The following AHI1 variants were observed in gnomAD, a reference collection of about 807,000 sequenced individuals.
AHI1 encodes the protein Abelson helper integration site 1.
A neutral mutation model predicts 149.3 loss-of-function variants in AHI1; 123 were observed. The ratio of observed to expected loss-of-function variants is 0.82; its 90% CI spans 0.71 to 0.96. The LOEUF (loss-of-function observed/expected upper bound fraction) is 0.96, where lower values mean the gene tolerates loss of function less well. AHI1 is among the 40% of genes least tolerant of loss of function. The probability of loss-of-function intolerance (pLI) is 0.00; values close to 1 mark genes in which losing one functional copy is unlikely to be tolerated. For missense variants in AHI1, 1,439 were observed against 1,422.7 expected (o/e 1.01, Z -0.18); for synonymous variants, 475 against 459.8 (o/e 1.03, Z -0.42).
intron 23 of AHI1, among the ~76,000 whole-genome samples, chr6:135,374,829 A>G (rs79983592): frequency 0.04 from 6,141 of 152,296 alleles, 431 homozygotes; most frequent in African/African-American, 0.14. Flanking sequence ...CAACTTTACC[A>G]TACTTTGAAA....
At chr6:135,308,066 T>C (rs1013201607) in intron 26 of AHI1, among the ~76,000 whole-genome samples, 6 of 152,172 alleles carry the variant, frequency 3.9e-5, no homozygotes, top group Non-Finnish European at 7.4e-5. Context: ...AAAAAGGTCA[T>C]GCTGCTTGTC....
At chr6:135,295,880 T>TCTCA (rs1422236122) in intron 27 of AHI1, among the ~76,000 whole-genome samples, 1 of 152,146 alleles carries the variant, frequency 6.6e-6, no homozygotes, top group Non-Finnish European at 1.5e-5. Flanking sequence ...TGAGATGGAG[T>TCTCA]CTCACTCTGT....
At chr6:135,451,435 A>C (rs902086962) in intron 11 of AHI1, among the ~76,000 whole-genome samples, 4 of 152,188 alleles carry the variant, frequency 2.6e-5, no homozygotes, top group Admixed American at 6.5e-5. Context: ...ATGGAGTTTC[A>C]AGAGAGTGAC....
At chr6:135,383,989 C>G (rs1014198319) in intron 23 of AHI1, among the ~76,000 whole-genome samples, 1 of 152,190 alleles carries the variant, frequency 6.6e-6, no homozygotes, top group African/African-American at 2.4e-5. Context: ...AGAGGCAAAG[C>G]AGTGAGTTGC....
intron 24 of AHI1, among the ~76,000 whole-genome samples, chr6:135,328,678 A>G (rs2179779): frequency 0.55 from 83,033 of 151,704 alleles, 22,838 homozygotes; most frequent in Middle Eastern, 0.65. Flanking sequence ...ATGGCCCCTA[A>G]GTGTTCAAAT....
intron 26 of AHI1, chr6:135,301,140 C>G (rs993567113): frequency 1.0e-6 from 1 of 984,942 alleles, no homozygotes; most frequent in Middle Eastern, 5.2e-4. Context: ...ACATTAACTT[C>G]ATATTAAAGT....
intron 9 of AHI1, among the ~76,000 whole-genome samples, chr6:135,457,104 C>T (rs1343898553): frequency 2.0e-5 from 3 of 151,804 alleles, no homozygotes; most frequent in African/African-American, 7.3e-5. Flanking sequence ...ATCATCCTGG[C>T]CAAACCCCGC....
chr6:135,419,787 T>G (rs902514595), intron 20 of AHI1, among the ~76,000 whole-genome samples: 1 of 152,032 alleles, frequency 6.6e-6, no homozygotes, highest in African/African-American at 2.4e-5. Context: ...TTTGCTGCAC[T>G]GATTGGCTCT....
chr6:135,323,430 CT>C, intron 24 of AHI1, 106 bp from the exon 25 acceptor site: 4 of 1,260,702 alleles, frequency 3.2e-6, no homozygotes, highest in Non-Finnish European at 4.4e-6. Flanking sequence ...CAAAGCAGTA[CT>C]TTGGTAAGTG....
intron 26 of AHI1, among the ~76,000 whole-genome samples, chr6:135,317,283 T>C (rs1298756618): frequency 6.6e-6 from 1 of 151,728 alleles, no homozygotes; most frequent in Non-Finnish European, 1.5e-5. Context: ...AGTATAAAAT[T>C]TAAGTGTTTT....
chr6:135,399,959 C>T (rs879584898), intron 22 of AHI1, among the ~76,000 whole-genome samples: 3 of 151,952 alleles, frequency 2.0e-5, no homozygotes, highest in East Asian at 1.9e-4. Context: ...CAGGTAAACT[C>T]GTGTCACAGG....
rs1783232825 is a variant in AHI1 at position 135,297,338 on chromosome 6, CCT to C, written c.3485+3160_3485+3161del. The stretch of plus-strand genomic sequence containing the variant: ...CAGTCAGTCTCCTCCCACTCTCTCC[CCT>C]CTCTTCATAGCCGTATGCTCCTTTA... On this transcript the variant is annotated intron_variant, in intron 27 of 28. Coordinates refer to ENST00000265602, the MANE Select transcript of AHI1 (RefSeq NM_001134831.2). 7.0e-6 allele frequency: 3 copies of C among 426,394 alleles called. No homozygotes were observed. In the Admixed American group the frequency reaches 7.9e-5, roughly 11 times the overall value. 26.4% of individuals were successfully genotyped at this position (426,394 alleles called of 1,614,324 possible).
intron 23 of AHI1, among the ~76,000 whole-genome samples, chr6:135,392,365 G>T (rs1477585050): frequency 6.6e-6 from 1 of 152,104 alleles, no homozygotes; most frequent in African/African-American, 2.4e-5. Context: ...CCTTGAAAAA[G>T]ATCAATAAAA....
intron 26 of AHI1, among the ~76,000 whole-genome samples, chr6:135,308,720 G>GA (rs1188560921): frequency 2.0e-5 from 3 of 152,232 alleles, no homozygotes; most frequent in African/African-American, 7.2e-5. Flanking sequence ...TTGCTAAACA[G>GA]AAAAGCAATT....
chr6:135,411,274 A>C (rs886897481), intron 21 of AHI1, 74 bp downstream of exon 21: 79 of 1,351,338 alleles, frequency 5.8e-5, no homozygotes, highest in Middle Eastern at 3.6e-4. Flanking sequence ...TCATTAAATG[A>C]ATATTTATTG....
intron 23 of AHI1, among the ~76,000 whole-genome samples, chr6:135,368,508 G>C (rs997019454): frequency 7.2e-5 from 11 of 152,266 alleles, no homozygotes; most frequent in African/African-American, 2.6e-4. Context: ...CCATGGTGGT[G>C]GTGGGGGGCA....
In AHI1 at chr6:135,321,561, A is replaced by G. The variant is rs118164765; in HGVS notation, c.3328+1601T>C. Among the ~76,000 whole-genome samples, 9 of 152,340 alleles carry G rather than the reference A, an allele frequency of 5.9e-5. No individual in the cohort carries two copies. The East Asian group carries it at 1.7e-3, about 29-fold the overall frequency. ...AAGACAGATAATTTTATCTAGGCTT[A>G]GCCCAGCATCCGGTAATCACGAAGG... is the stretch of plus-strand genomic sequence containing the variant. On this transcript the variant is annotated intron_variant, in intron 25 of 28. Transcript: ENST00000265602.
rs2128059170 is a variant in AHI1 at position 135,448,423 on chromosome 6, A to G, written c.1493T>C (p.Leu498Pro). The stretch of plus-strand genomic sequence containing the variant: ...TCGAGGCTTAGTAGGTGGGTAATAT[A>G]GCTGCAAGCGAAGTTTTGAGTTGAT... ...ANINSKLRLQ[L>P]YYPPTKPRSP... Residue 498 changes from leucine to proline, a missense_variant, in exon 12 of 29, where the codon CTA (leucine) becomes CCA (proline). Transcript: ENST00000265602. 6.4e-7 allele frequency: 1 copy of G among 1,573,312 alleles called. No homozygotes were observed. The highest frequency in any genetic ancestry group is 8.7e-7 in the Non-Finnish European group (1 of 1,151,020).
intron 20 of AHI1, 51 bp from the exon 21 acceptor site, chr6:135,411,595 C>A: frequency 6.9e-7 from 1 of 1,442,954 alleles, no homozygotes; most frequent in South Asian, 1.6e-5. Flanking sequence ...AAAGCATAAT[C>A]AAGCCCTAAA....
Sources: gnomAD v4.1 joint callset for allele counts (sites outside exome capture counted in the v4.1 genomes callset) on GRCh38, gnomAD v4.1.1 for gene constraint, MANE v1.5 for transcripts, NCBI Gene and HGNC (gene_info 2026-07-23, HGNC 2026-07-21) for gene names.